Variants in CIT observed in about 807,000 individuals in gnomAD.
The protein encoded by CIT is citron rho-interacting serine/threonine kinase, also known as citron Rho-interacting kinase.
In CIT, 79 loss-of-function variants were observed where a neutral mutation model predicts 272.7. That is an observed-to-expected ratio of 0.29 (90% CI 0.24 to 0.35). The LOEUF (loss-of-function observed/expected upper bound fraction) is 0.35, where lower values mean the gene tolerates loss of function less well. CIT is among the 10% of genes least tolerant of loss of function. The pLI is 1.00. For synonymous variants in CIT, 948 were observed against 995.6 expected, an observed-to-expected ratio of 0.95 and a Z score of 0.90; for missense variants, 1,909 against 2,618.3, an observed-to-expected ratio of 0.73 and a Z score of 5.91.
Position 119,718,597 on chromosome 12 carries a change from A to G in CIT, c.4003+102T>C. ...TGTCTGGTCTGAAAGCGTATGGGCC[A>G]TAAACGAAGACACTGAGCTAGTTAG... On this transcript the variant is annotated intron_variant, in intron 31 of 47. Transcript: ENST00000392521. The surrounding 1 kb of genome is among the most constrained non-coding windows in gnomAD (Gnocchi z 4.8). The G allele has an allele frequency of 7.3e-6, 11 of 1,511,306 alleles. No homozygotes were observed. The highest frequency in any genetic ancestry group is 9.9e-6 in the Non-Finnish European group (11 of 1,105,660). 93.6% of individuals were successfully genotyped at this position (1,511,306 alleles called of 1,614,324 possible).
chr12:119,805,261 C>G (rs10744743), intron 9 of CIT, among the ~76,000 whole-genome samples: 89,917 of 152,028 alleles, frequency 0.59, 27,774 homozygotes, highest in East Asian at 0.84. Context: ...AATCCCAGCT[C>G]CACCACTTAC....
At chr12:119,833,831 T>G (rs1367615017) in intron 6 of CIT, among the ~76,000 whole-genome samples, 2 of 152,174 alleles carry the variant, frequency 1.3e-5, no homozygotes, top group African/African-American at 4.8e-5. Context: ...CCAGTCTTAT[T>G]TAGCTACATT....
chr12:119,797,031 G>A (rs945130538), intron 10 of CIT, among the ~76,000 whole-genome samples: 2 of 152,166 alleles, frequency 1.3e-5, no homozygotes, highest in African/African-American at 2.4e-5. Context: ...GAAGTTTGTC[G>A]GAGAGAGGTC....
At chr12:119,711,556 C>G (rs1444797547) in intron 37 of CIT, among the ~76,000 whole-genome samples, 1 of 152,210 alleles carries the variant, frequency 6.6e-6, no homozygotes. Context: ...TTTGAGTAAA[C>G]AGGAGAGAGG....
intron 9 of CIT, among the ~76,000 whole-genome samples, chr12:119,809,866 G>A (rs377134589): frequency 1.3e-4 from 20 of 152,240 alleles, no homozygotes; most frequent in Non-Finnish European, 2.4e-4. Context: ...ATCCAATGGC[G>A]TCTCCATGAA....
intron 40 of CIT, 33 bp from the exon 41 acceptor site, chr12:119,704,488 C>T: frequency 6.3e-7 from 1 of 1,597,042 alleles, no homozygotes; most frequent in South Asian, 1.1e-5. Context: ...AAAAGACTGT[C>T]ACCAGTGTGA....
At chr12:119,806,347 G>C (rs1966605801) in intron 9 of CIT, among the ~76,000 whole-genome samples, 1 of 152,126 alleles carries the variant, frequency 6.6e-6, no homozygotes, top group Admixed American at 6.5e-5. Flanking sequence ...AAGCCAAAAA[G>C]AAGTGGGGGA....
chr12:119,705,540 G>A (rs1956824971), intron 40 of CIT, among the ~76,000 whole-genome samples: 1 of 152,040 alleles, frequency 6.6e-6, no homozygotes, highest in African/African-American at 2.4e-5. Context: ...TAGGCTTTAT[G>A]ATTTACATAT....
At chr12:119,776,562 T>C in intron 14 of CIT, 110 bp downstream of exon 14, 2 of 1,177,768 alleles carry the variant, frequency 1.7e-6, no homozygotes, top group Non-Finnish European at 1.2e-6. Flanking sequence ...CAAGGTATCC[T>C]ACTATTTCTC....
At chr12:119,817,626 G>A (rs1967313272) in intron 9 of CIT, among the ~76,000 whole-genome samples, 1 of 152,134 alleles carries the variant, frequency 6.6e-6, no homozygotes, top group Non-Finnish European at 1.5e-5. Context: ...CTCTATTCAA[G>A]CAAAAGACCG....
rs768868926 is a variant in CIT at position 119,690,258 on chromosome 12, T to C, written c.6079A>G (p.Met2027Val). The change falls in exon 47 of 48, where the codon ATG becomes GTG. Residue 2027 changes from methionine to valine, a missense_variant. Coordinates refer to ENST00000392521, the MANE Select transcript of CIT (RefSeq NM_001206999.2). The surrounding 1 kb of genome is among the most constrained non-coding windows in gnomAD (Gnocchi z 6.0). The part of the protein sequence containing the change: ...PLEREKSPGR[M>V]LSTRRERSPG... ...GACCGCTCTCTCCGCGTGCTGAGCA[T>C]CCGGCCGGGGGACTTCTCTCGCTCC... The C allele has an allele frequency of 8.9e-6, 14 of 1,569,424 alleles. No homozygotes were observed. Among genetic ancestry groups the C allele is most frequent in the Non-Finnish European group, 1.2e-5 (14 of 1,168,296 alleles).
chr12:119,815,170 G>C lies in CIT; in HGVS notation c.1111+7650C>G, dbSNP rs185985218. Among the ~76,000 whole-genome samples the C allele has an allele frequency of 4.3e-4, 63 of 147,676 alleles. 1 individual carries two copies. The East Asian group carries it at 0.011, about 26-fold the overall frequency. On this transcript the variant is annotated intron_variant, in intron 9 of 47. Transcript: ENST00000392521. ...GCCATTGAGATAATGCAATTCTAAA[G>C]GCAGGACACTAAACAAAATAAATGA...
rs367918257 is a variant in CIT, at chr12:119,803,199, C to T, written c.1295+7G>A. 150 of 1,249,870 alleles carry T rather than the reference C, an allele frequency of 1.2e-4. No individual in the cohort carries two copies. The highest frequency in any genetic ancestry group is 4.1e-4 in the Admixed American group (13 of 31,786). 77.4% of individuals were successfully genotyped at this position (1,249,870 alleles called of 1,614,324 possible). On this transcript the variant is annotated splice_region_variant and intron_variant, in intron 10 of 47. Coordinates refer to ENST00000392521, the MANE Select transcript of CIT (RefSeq NM_001206999.2). Reference sequence around the variant, plus strand: ...AGGTCCCTTTAGAAAGTCAAATTTTCACTTACTCAGATCTACCAAGAATCC... The same window carrying T: ...AGGTCCCTTTAGAAAGTCAAATTTTTACTTACTCAGATCTACCAAGAATCC...
chr12:119,757,745 A>C (rs1413157797), intron 21 of CIT, among the ~76,000 whole-genome samples, 200 bp from the exon 22 acceptor site: 1 of 152,026 alleles, frequency 6.6e-6, no homozygotes, highest in African/African-American at 2.4e-5. Context: ...TTTACTCATC[A>C]CCACTCAGTG....
intron 2 of CIT, among the ~76,000 whole-genome samples, chr12:119,870,549 CAAA>C (rs57894300): frequency 0.011 from 556 of 52,408 alleles, 2 homozygotes; most frequent in African/African-American, 0.035. Flanking sequence ...GACTCCCTCT[CAAA>C]AAAAAAAAAA....
chr12:119,725,242 G>A (rs1053176551), intron 28 of CIT, among the ~76,000 whole-genome samples: 1 of 151,930 alleles, frequency 6.6e-6, no homozygotes, highest in African/African-American at 2.4e-5. Flanking sequence ...GGCCAACATC[G>A]TGAAACCTTG....
intron 5 of CIT, among the ~76,000 whole-genome samples, chr12:119,841,813 G>C (rs539923619): frequency 6.6e-6 from 1 of 152,288 alleles, no homozygotes; most frequent in South Asian, 2.1e-4. Flanking sequence ...AGGAAGGGGG[G>C]AGTCACAACA....
chr12:119,713,660 C>G lies in CIT; in HGVS notation c.4307-12G>C. 6.2e-7 allele frequency: 1 copy of G among 1,614,186 alleles called. No individual in the cohort carries two copies. The highest frequency in any genetic ancestry group is 8.5e-7 in the Non-Finnish European group (1 of 1,180,008). On this transcript the variant is annotated splice_polypyrimidine_tract_variant and intron_variant, in intron 33 of 47. Coordinates refer to ENST00000392521, the MANE Select transcript of CIT (RefSeq NM_001206999.2). This position sits in a 1 kb window ranked among gnomAD's most constrained non-coding sequence, Gnocchi z 5.2. ...CATCACCTGACATTCTAGGGAAGAA[C>G]AGTGAGCAACCTGAGGGCATGCTCA... is the stretch of plus-strand genomic sequence containing the variant.
In CIT at chr12:119,690,469, G is replaced by A. The variant is rs1830283009; in HGVS notation, c.5883-15C>T. On this transcript the variant is annotated splice_polypyrimidine_tract_variant and intron_variant, in intron 46 of 47. Transcript: ENST00000392521. This position sits in a 1 kb window ranked among gnomAD's most constrained non-coding sequence, Gnocchi z 6.0. Reference sequence around the variant, plus strand: ...TGTTGGGGCTGCTGGCGACACAAGAGGAACGTAGGGAGCTGCGAGGCCACA... The same window carrying A: ...TGTTGGGGCTGCTGGCGACACAAGAAGAACGTAGGGAGCTGCGAGGCCACA... The A allele has an allele frequency of 6.4e-7, 1 of 1,564,656 alleles. No homozygotes were observed. The highest frequency in any genetic ancestry group is 8.6e-7 in the Non-Finnish European group (1 of 1,166,004).
Sources: gnomAD v4.1 joint callset for allele counts (sites outside exome capture counted in the v4.1 genomes callset) on GRCh38, gnomAD v4.1.1 for gene constraint, Gnocchi (gnomAD v3.1) non-coding constraint, MANE v1.5 for transcripts, NCBI Gene and HGNC (gene_info 2026-07-23, HGNC 2026-07-21) for gene names.